TMEM163: variants seen among roughly 807,000 people sequenced by gnomAD.
The protein encoded by TMEM163 is transmembrane protein 163.
A neutral mutation model predicts 29.3 loss-of-function variants in TMEM163; 17 were observed. The ratio of observed to expected loss-of-function variants is 0.58; its 90% CI spans 0.40 to 0.87. The LOEUF is 0.87. Among genes scored for constraint, TMEM163 ranks in the 40% least tolerant of loss-of-function variants. The probability of loss-of-function intolerance (pLI) is 0.00; values close to 1 mark genes in which losing one functional copy is unlikely to be tolerated. For synonymous variants in TMEM163, 157 were observed against 160.6 expected, an observed-to-expected ratio of 0.98 and a Z score of 0.17; for missense variants, 303 against 381.5, an observed-to-expected ratio of 0.79 and a Z score of 1.71.
chr2:134,491,869 A>G (rs913696189), intron 5 of TMEM163, among the ~76,000 whole-genome samples: 1 of 152,204 alleles, frequency 6.6e-6, no homozygotes, highest in Non-Finnish European at 1.5e-5. Flanking sequence ...AAGAGGACCA[A>G]TCAGAGACTC....
Position 134,602,150 on chromosome 2 carries a change from G to C in TMEM163, c.323-50059C>G, listed in dbSNP as rs75591137. Among the ~76,000 whole-genome samples, 405 of 152,328 alleles carry C rather than the reference G, an allele frequency of 2.7e-3. 2 individuals carry two copies. Among genetic ancestry groups the C allele is most frequent in the African/African-American group, 9.1e-3 (380 of 41,572 alleles). ...GTCTGAAATGTCCGGTGAGAAATTA[G>C]AGGTGCAGACCCTGTAACTGGACAG... is the stretch of plus-strand genomic sequence containing the variant. On this transcript the variant is annotated intron_variant, in intron 2 of 7. Coordinates refer to ENST00000281924, the MANE Select transcript of TMEM163 (RefSeq NM_030923.5).
chr2:134,683,470 C>A (rs1684290945), intron 2 of TMEM163, among the ~76,000 whole-genome samples: 1 of 151,146 alleles, frequency 6.6e-6, no homozygotes, highest in African/African-American at 2.4e-5. Context: ...AAACTAAACT[C>A]ATTTGTGAAG....
chr2:134,497,691 G>A (rs553424381), intron 5 of TMEM163, among the ~76,000 whole-genome samples: 6 of 152,330 alleles, frequency 3.9e-5, no homozygotes, highest in African/African-American at 1.2e-4. Flanking sequence ...ACTGGGTACT[G>A]CATCCATTTT....
chr2:134,560,146 C>T (rs1681134976), intron 2 of TMEM163, among the ~76,000 whole-genome samples: 1 of 152,184 alleles, frequency 6.6e-6, no homozygotes. Flanking sequence ...CCGCATTTAA[C>T]GATGAAACCT....
intron 5 of TMEM163, among the ~76,000 whole-genome samples, chr2:134,492,504 T>C (rs905295743): frequency 6.6e-6 from 1 of 152,218 alleles, no homozygotes; most frequent in Admixed American, 6.5e-5. Context: ...TCTTTAATAA[T>C]TCCTCCCTCC....
At chr2:134,653,722 G>A (rs1331482869) in intron 2 of TMEM163, among the ~76,000 whole-genome samples, 10 of 88,908 alleles carry the variant, frequency 1.1e-4, no homozygotes, top group East Asian at 1.1e-3. Flanking sequence ...CTTTGAATGC[G>A]TCCCAGAGAT....
At chr2:134,565,264 T>TTAC (rs1317539710) in intron 2 of TMEM163, among the ~76,000 whole-genome samples, 1 of 151,226 alleles carries the variant, frequency 6.6e-6, no homozygotes, top group African/African-American at 2.4e-5. Flanking sequence ...AAAAGTGATC[T>TTAC]TACTCCATGA....
chr2:134,540,960 G>A lies in TMEM163; in HGVS notation c.458+9610C>T, dbSNP rs144957561. On this transcript the variant is annotated intron_variant, in intron 4 of 7. Transcript: ENST00000281924. ...GACAGTTAAGGAATACTGTTGCCTC[G>A]GTGAGCTTAAAGGCTTGTGAGGGAG... is the stretch of plus-strand genomic sequence containing the variant. 4.1e-4 allele frequency among the ~76,000 whole-genome samples: 63 copies of A among 152,286 alleles called. No individual in the cohort carries two copies. The East Asian group carries it at 0.011, about 27-fold the overall frequency.
At chr2:134,482,385 C>T (rs1051559635) in intron 5 of TMEM163, among the ~76,000 whole-genome samples, 1 of 152,172 alleles carries the variant, frequency 6.6e-6, no homozygotes, top group Non-Finnish European at 1.5e-5. Flanking sequence ...CCAACCCACC[C>T]TTTCCCCTAA....
chr2:134,561,369 A>G (rs1314490352), intron 2 of TMEM163, among the ~76,000 whole-genome samples: 2 of 143,168 alleles, frequency 1.4e-5, no homozygotes, highest in East Asian at 4.0e-4. Context: ...ACACCCGGCT[A>G]ATTTTTTTGT....
intron 2 of TMEM163, among the ~76,000 whole-genome samples, chr2:134,677,559 G>A (rs1684143289): frequency 6.6e-6 from 1 of 152,118 alleles, no homozygotes; most frequent in Admixed American, 6.5e-5. Flanking sequence ...GGTACTTTCT[G>A]TCTCTGAAAA....
At chr2:134,669,164 C>G (rs1683937100) in intron 2 of TMEM163, among the ~76,000 whole-genome samples, 1 of 152,218 alleles carries the variant, frequency 6.6e-6, no homozygotes. Context: ...TATGCTGGCA[C>G]TATAAGGACC....
chr2:134,486,217 GA>G (rs1679302221), intron 5 of TMEM163, among the ~76,000 whole-genome samples: 1 of 152,056 alleles, frequency 6.6e-6, no homozygotes, highest in South Asian at 2.1e-4. Flanking sequence ...AAATAAAACA[GA>G]AAAAAGAATT....
At chr2:134,591,293 A>G (rs1681929028) in intron 2 of TMEM163, among the ~76,000 whole-genome samples, 1 of 152,144 alleles carries the variant, frequency 6.6e-6, no homozygotes. Flanking sequence ...GTCTCTCACA[A>G]TGAGAGACTG....
intron 4 of TMEM163, among the ~76,000 whole-genome samples, chr2:134,539,995 A>G (rs1680629524): frequency 6.6e-6 from 1 of 152,230 alleles, no homozygotes; most frequent in Non-Finnish European, 1.5e-5. Flanking sequence ...ATGCACAGGC[A>G]GCAGCTGACC....
chr2:134,555,598 A>G (rs548949325), intron 2 of TMEM163, among the ~76,000 whole-genome samples: 6 of 152,376 alleles, frequency 3.9e-5, no homozygotes, highest in Admixed American at 1.3e-4. Flanking sequence ...GAGCTCTCCT[A>G]TGAAGGCTGC....
intron 4 of TMEM163, among the ~76,000 whole-genome samples, chr2:134,530,496 C>T (rs191565725): frequency 2.7e-4 from 41 of 152,242 alleles, no homozygotes; most frequent in African/African-American, 9.9e-4. Flanking sequence ...AGACTGGTCT[C>T]AAACTCCTAG....
At chr2:134,710,272 G>A (rs1355245264) in intron 2 of TMEM163, among the ~76,000 whole-genome samples, 1 of 152,168 alleles carries the variant, frequency 6.6e-6, no homozygotes, top group Non-Finnish European at 1.5e-5. Context: ...CAATGTACAT[G>A]TCAGGTAAAA....
intron 2 of TMEM163, among the ~76,000 whole-genome samples, chr2:134,561,285 G>T (rs761464591): frequency 4.2e-4 from 64 of 152,216 alleles, no homozygotes; most frequent in Non-Finnish European, 9.1e-4. Flanking sequence ...CTCACTGCAA[G>T]CTCCGCCTTC....
Sources: allele counts gnomAD v4.1 joint callset (sites outside exome capture counted in the v4.1 genomes callset), GRCh38; gene constraint gnomAD v4.1.1; transcripts MANE v1.5; gene names NCBI Gene and HGNC (gene_info 2026-07-23, HGNC 2026-07-21).